Variants in MYO7A observed in about 807,000 individuals in gnomAD.
The protein encoded by MYO7A is unconventional myosin-VIIa.
A neutral mutation model predicts 263.8 loss-of-function variants in MYO7A; 210 were observed. The observed-to-expected ratio is 0.80, with a 90% CI of 0.71 to 0.89. The LOEUF (loss-of-function observed/expected upper bound fraction) is 0.89. Among genes scored for constraint, MYO7A ranks in the 40% least tolerant of loss-of-function variants. The pLI is 0.00. For missense variants in MYO7A, 2,820 were observed against 2,968.3 expected, an observed-to-expected ratio of 0.95 and a Z score of 1.16; for synonymous variants, 1,239 against 1,197.3, an observed-to-expected ratio of 1.03 and a Z score of -0.72.
At chr11:77,147,578 G>A (rs1951657415) in intron 3 of MYO7A, among the ~76,000 whole-genome samples, 1 of 152,086 alleles carries the variant, frequency 6.6e-6, no homozygotes, top group Admixed American at 6.5e-5. Context: ...TTAGGTCTGC[G>A]GGAAAATCCC....
At chr11:77,205,420 G>A (rs752081143) in intron 39 of MYO7A, 42 bp from the exon 40 acceptor site, 5 of 1,541,968 alleles carry the variant, frequency 3.2e-6, no homozygotes, top group South Asian at 1.2e-5. Context: ...TGTGACTCCC[G>A]ATGGCAGCTG....
intron 2 of MYO7A, 55 bp from the exon 3 acceptor site, chr11:77,142,653 AG>A: frequency 1.4e-6 from 2 of 1,437,912 alleles, no homozygotes; most frequent in Non-Finnish European, 1.9e-6. Flanking sequence ...GCTGCCTGGA[AG>A]GGGCTCCAAT....
rs146776693 is a variant in MYO7A at position 77,213,059 on chromosome 11, T to G, written c.6438+24T>G. On this transcript the variant is annotated intron_variant, in intron 47 of 48. Coordinates refer to ENST00000409709, the MANE Select transcript of MYO7A (RefSeq NM_000260.4). Reference sequence around the variant, plus strand: ...AGGTGAGCAGGGATAAGGCAGCAAGTGGGGGCGGGCTTCTCTGCCTGAACC... The same window carrying G: ...AGGTGAGCAGGGATAAGGCAGCAAGGGGGGGCGGGCTTCTCTGCCTGAACC... 2.7e-4 allele frequency: 420 copies of G among 1,548,332 alleles called. 1 individual carries two copies. In the African/African-American group the frequency reaches 5.1e-3, roughly 19 times the overall value.
Position 77,190,708 on chromosome 11 carries a change from CA to C in MYO7A, c.3764del (p.Lys1255ArgfsTer8), listed in dbSNP as rs111033347. The C allele has an allele frequency of 1.8e-5, 29 of 1,593,654 alleles. No homozygotes were observed. The highest frequency in any genetic ancestry group is 2.4e-5 in the Non-Finnish European group (28 of 1,170,952). Reference sequence around the variant, plus strand: ...TGGGGCACTTCCAGGCCACCAAGTCCAAGAAGCCAATCATGTTGCCCGTGAC... The same window carrying C: ...TGGGGCACTTCCAGGCCACCAAGTCCAGAAGCCAATCATGTTGCCCGTGAC... ...SWLELQATKS[K>X]KPIMLPVTFM... On this transcript the variant is annotated frameshift_variant, in exon 30 of 49. Transcript: ENST00000409709. LOFTEE classifies it high-confidence loss of function.
At chr11:77,143,445 C>T (rs1951349768) in intron 3 of MYO7A, among the ~76,000 whole-genome samples, 1 of 152,128 alleles carries the variant, frequency 6.6e-6, no homozygotes, top group Non-Finnish European at 1.5e-5. Flanking sequence ...ATCTGTGGCC[C>T]AGAAGGAAAG....
At chr11:77,202,929 G>T in intron 37 of MYO7A, 131 bp from the exon 38 acceptor site, 1 of 1,178,710 alleles carries the variant, frequency 8.5e-7, no homozygotes, top group Non-Finnish European at 1.2e-6. Context: ...GGGCAGGGAA[G>T]AGCAGGGCCT....
chr11:77,136,598 A>T (rs782324716), intron 2 of MYO7A, among the ~76,000 whole-genome samples: 2 of 151,730 alleles, frequency 1.3e-5, no homozygotes, highest in Non-Finnish European at 2.9e-5. Flanking sequence ...CCCTAACACG[A>T]CTCCCTTAGT....
chr11:77,167,683 T>C (rs1953681889), intron 15 of MYO7A, among the ~76,000 whole-genome samples: 1 of 152,140 alleles, frequency 6.6e-6, no homozygotes, highest in Non-Finnish European at 1.5e-5. Context: ...CCATTTCCTC[T>C]CTGCCAAATA....
chr11:77,130,787 C>T, intron 2 of MYO7A, 135 bp downstream of exon 2: 2 of 961,110 alleles, frequency 2.1e-6, no homozygotes, highest in Non-Finnish European at 3.2e-6. Flanking sequence ...CCCAGCCCTC[C>T]AGGCTGAGGC....
At chr11:77,143,431 C>T (rs1467419051) in intron 3 of MYO7A, among the ~76,000 whole-genome samples, 1 of 152,202 alleles carries the variant, frequency 6.6e-6, no homozygotes, top group Non-Finnish European at 1.5e-5. Context: ...CAGATTAACC[C>T]TTTATCTGTG....
intron 3 of MYO7A, among the ~76,000 whole-genome samples, chr11:77,144,817 C>T (rs1288862049): frequency 6.6e-6 from 1 of 152,170 alleles, no homozygotes; most frequent in African/African-American, 2.4e-5. Flanking sequence ...AGTGTCTTGC[C>T]TTTGTCCAAG....
chr11:77,175,275 C>T, intron 17 of MYO7A, 97 bp from the exon 18 acceptor site: 1 of 1,152,176 alleles, frequency 8.7e-7, no homozygotes, highest in Non-Finnish European at 1.3e-6. Context: ...AGGGGCAGAG[C>T]TCGGGAAGAG....
chr11:77,172,676 C>G, intron 15 of MYO7A, 72 bp from the exon 16 acceptor site: 1 of 1,538,582 alleles, frequency 6.5e-7, no homozygotes, highest in Non-Finnish European at 8.7e-7. Flanking sequence ...CTCCCGCTTC[C>G]TACTGGGCGG....
Position 77,202,427 on chromosome 11 carries a change from G to A in MYO7A, c.5168+3G>A. ...GAGTTTTCCTATGACTACTTCAGGT[G>A]ATGCCTCCTGGGGAAGGATGGGAGC... On this transcript the variant is annotated splice_donor_region_variant and intron_variant, in intron 37 of 48. Transcript: ENST00000409709. 6.4e-7 allele frequency: 1 copy of A among 1,550,564 alleles called. No homozygotes were observed. The highest frequency in any genetic ancestry group is 8.7e-7 in the Non-Finnish European group (1 of 1,146,572).
chr11:77,149,973 TC>T (rs1951853380), intron 4 of MYO7A, among the ~76,000 whole-genome samples: 1 of 152,044 alleles, frequency 6.6e-6, no homozygotes, highest in Non-Finnish European at 1.5e-5. Context: ...CCTCTTCCTC[TC>T]CCTGGAGGGC....
chr11:77,157,072 C>T (rs1470635046), intron 7 of MYO7A, 68 bp downstream of exon 7: 22 of 1,569,172 alleles, frequency 1.4e-5, no homozygotes, highest in Non-Finnish European at 1.9e-5. Context: ...GCGTGGCCCA[C>T]CTGCCCGTAT....
chr11:77,190,955 G>A, intron 30 of MYO7A, 85 bp downstream of exon 30: 1 of 1,402,764 alleles, frequency 7.1e-7, no homozygotes, highest in Non-Finnish European at 9.6e-7. Flanking sequence ...CTACTTGCCG[G>A]GGCTATTCAC....
chr11:77,207,989 C>T (rs1957571295), intron 42 of MYO7A, among the ~76,000 whole-genome samples: 1 of 152,202 alleles, frequency 6.6e-6, no homozygotes, highest in African/African-American at 2.4e-5. Flanking sequence ...ATCCTGTTGC[C>T]TGCTGATGGC....
intron 42 of MYO7A, among the ~76,000 whole-genome samples, chr11:77,208,108 G>A (rs954007651): frequency 2.0e-4 from 31 of 152,234 alleles, no homozygotes; most frequent in Non-Finnish European, 3.4e-4. Flanking sequence ...GCCCAGAGCT[G>A]CAGGAGGAGC....
Sources: gnomAD v4.1 joint callset for allele counts (sites outside exome capture counted in the v4.1 genomes callset) on GRCh38, gnomAD v4.1.1 for gene constraint, MANE v1.5 for transcripts, NCBI Gene and HGNC (gene_info 2026-07-23, HGNC 2026-07-21) for gene names.